PCDHGA6: variants seen among roughly 807,000 people sequenced by gnomAD.
PCDHGA6 encodes protocadherin gamma-A6.
A neutral mutation model predicts 60.6 loss-of-function variants in PCDHGA6; 41 were observed. The observed-to-expected ratio is 0.68, with a 90% CI of 0.53 to 0.88. PCDHGA6 has a LOEUF of 0.88. PCDHGA6 is among the 40% of genes least tolerant of loss of function. The pLI, the probability that PCDHGA6 is intolerant of heterozygous loss-of-function variation, is 0.00. For missense variants in PCDHGA6, 1,312 were observed against 1,203.0 expected, an observed-to-expected ratio of 1.09 and a Z score of -1.34; for synonymous variants, 594 against 524.4, an observed-to-expected ratio of 1.13 and a Z score of -1.81.
At chr5:141,488,239 G>A (rs576918071) in intron 1 of PCDHGA6, among the ~76,000 whole-genome samples, 3 of 152,222 alleles carry the variant, frequency 2.0e-5, no homozygotes, top group South Asian at 4.1e-4. Context: ...AACTAGATGC[G>A]GTAAATTGGA....
intron 1 of PCDHGA6, chr5:141,427,894 C>T (rs974220302): frequency 1.3e-6 from 2 of 1,568,222 alleles, no homozygotes; most frequent in East Asian, 2.2e-5. Flanking sequence ...GACCAGGGCT[C>T]GCCCGCGCTC....
chr5:141,477,253 G>A lies in PCDHGA6; in HGVS notation c.2425-17554G>A, dbSNP rs1303718568. The A allele has an allele frequency of 1.9e-6, 3 of 1,614,154 alleles. No individual in the cohort carries two copies. The highest frequency in any genetic ancestry group is 2.2e-5 in the South Asian group (2 of 91,070). Reference sequence around the variant, plus strand: ...TCGCTTTGCTCAGTGTGACTGACCTGGATGCTGGCGAGAACGGGCTGGTGA... The same window carrying A: ...TCGCTTTGCTCAGTGTGACTGACCTAGATGCTGGCGAGAACGGGCTGGTGA... On this transcript the variant is annotated intron_variant, in intron 1 of 3. Transcript: ENST00000517434. This position sits in a 1 kb window ranked among gnomAD's most constrained non-coding sequence, Gnocchi z 4.9.
In PCDHGA6 at chr5:141,431,159, C is replaced by A. The variant is rs1017606383; in HGVS notation, c.2424+54652C>A. On this transcript the variant is annotated intron_variant, in intron 1 of 3. Coordinates refer to ENST00000517434, the MANE Select transcript of PCDHGA6 (RefSeq NM_018919.3). The surrounding 1 kb of genome is among the most constrained non-coding windows in gnomAD (Gnocchi z 4.8). The stretch of plus-strand genomic sequence containing the variant: ...CATTAACGACAATGCGCCTTACTTT[C>A]GTGAAAGTGAATTAGAAATAAAAAT... The A allele has an allele frequency of 6.2e-7, 1 of 1,614,158 alleles. No homozygotes were observed. The highest frequency in any genetic ancestry group is 1.3e-5 in the African/African-American group (1 of 75,046).
At chr5:141,425,429 A>G in intron 1 of PCDHGA6, among the ~76,000 whole-genome samples, 1 of 152,254 alleles carries the variant, frequency 6.6e-6, no homozygotes, top group East Asian at 1.9e-4. Flanking sequence ...CCCATTAAAT[A>G]GAGGATAAAA....
Position 141,419,652 on chromosome 5 carries a change from C to T in PCDHGA6, c.2424+43145C>T, listed in dbSNP as rs563445438. 15 of 1,612,592 alleles carry T rather than the reference C, an allele frequency of 9.3e-6. 1 individual carries two copies. In the Admixed American group the frequency reaches 1.3e-4, roughly 14 times the overall value. On this transcript the variant is annotated intron_variant, in intron 1 of 3. Transcript: ENST00000517434. ...AAGGTGGTGGCCGTGGACGCGGACT[C>T]GGGGCACAATGCCTGGCTGTCCTAC... is the stretch of plus-strand genomic sequence containing the variant.
At chr5:141,505,352 C>CG in intron 2 of PCDHGA6, 41 bp from the exon 3 acceptor site, 1 of 1,613,302 alleles carries the variant, frequency 6.2e-7, no homozygotes, top group East Asian at 2.2e-5. Context: ...TGAGCTGTGC[C>CG]GGCCTGGGAG....
chr5:141,456,098 C>T (rs1222639126), intron 1 of PCDHGA6, among the ~76,000 whole-genome samples: 2 of 151,980 alleles, frequency 1.3e-5, no homozygotes, highest in Non-Finnish European at 2.9e-5. Flanking sequence ...GGGATTTCAC[C>T]GTGTTAGCCA....
At chr5:141,428,407 T>C in intron 1 of PCDHGA6, 1 of 470,350 alleles carries the variant, frequency 2.1e-6, no homozygotes, top group South Asian at 2.0e-5. Context: ...CTGGGGTTGC[T>C]TTCACCCTGG....
At chr5:141,408,280 C>T in intron 1 of PCDHGA6, 1 of 1,612,648 alleles carries the variant, frequency 6.2e-7, no homozygotes, top group Non-Finnish European at 8.5e-7. Flanking sequence ...CTTTGTTCTA[C>T]CCCACCCTGA....
At chr5:141,391,240 T>C (rs1388357484) in intron 1 of PCDHGA6, 1 of 152,150 alleles carries the variant, frequency 6.6e-6, no homozygotes, top group Non-Finnish European at 1.5e-5. Flanking sequence ...GCTAGGTATA[T>C]CTAAGCAACT....
chr5:141,414,752 ATG>A, intron 1 of PCDHGA6: 2 of 1,614,228 alleles, frequency 1.2e-6, no homozygotes, highest in Non-Finnish European at 1.7e-6. Context: ...TCCTTCGACT[ATG>A]AGCAGTTTCA....
At chr5:141,438,607 T>C (rs924136790) in intron 1 of PCDHGA6, among the ~76,000 whole-genome samples, 2 of 27,412 alleles carry the variant, frequency 7.3e-5, no homozygotes. Flanking sequence ...TATATATATA[T>C]ATATATATAT....
Position 141,477,230 on chromosome 5 carries a change from G to A in PCDHGA6, c.2425-17577G>A, listed in dbSNP as rs768648952. The A allele has an allele frequency of 1.3e-5, 21 of 1,614,164 alleles. No individual in the cohort carries two copies. The highest frequency in any genetic ancestry group is 1.8e-5 in the Non-Finnish European group (21 of 1,180,046). On this transcript the variant is annotated intron_variant, in intron 1 of 3. Coordinates refer to ENST00000517434, the MANE Select transcript of PCDHGA6 (RefSeq NM_018919.3). This position sits in a 1 kb window ranked among gnomAD's most constrained non-coding sequence, Gnocchi z 4.9. ...GGATGCCCCTCTGGGGACTGTCATC[G>A]CTTTGCTCAGTGTGACTGACCTGGA...
At chr5:141,405,187 G>A (rs372851700) in intron 1 of PCDHGA6, 1 of 1,613,360 alleles carries the variant, frequency 6.2e-7, no homozygotes, top group East Asian at 2.2e-5. Flanking sequence ...GTGTAGATGG[G>A]GTTCGAGCTT....
chr5:141,478,017 T>C lies in PCDHGA6; in HGVS notation c.2425-16790T>C, dbSNP rs776415195. ...GGTCAAATCAGTACTGCCCGTCCAG[T>C]CCAAGACACAGATTCACCCAGGCAG... On this transcript the variant is annotated intron_variant, in intron 1 of 3. Transcript: ENST00000517434. 15 of 1,613,910 alleles carry C rather than the reference T, an allele frequency of 9.3e-6. No homozygotes were observed. In the African/African-American group the frequency reaches 1.9e-4, roughly 20 times the overall value.
rs2098098668 is a variant in PCDHGA6, at chr5:141,439,210, T to C, written c.2425-55597T>C. Among the ~76,000 whole-genome samples the C allele has an allele frequency of 4.0e-5, 6 of 150,296 alleles. No homozygotes were observed. The Middle Eastern group carries it at 0.014, about 343-fold the overall frequency. On this transcript the variant is annotated intron_variant, in intron 1 of 3. Transcript: ENST00000517434. The stretch of plus-strand genomic sequence containing the variant: ...TCTGACAAAAAAAAAAAAAAATCCA[T>C]ATGTGAAAATTCTTAGAAGCTTCCT...
chr5:141,411,001 C>G lies in PCDHGA6; in HGVS notation c.2424+34494C>G, dbSNP rs2095456042. 1.8e-5 allele frequency: 3 copies of G among 168,822 alleles called. No individual in the cohort carries two copies. The South Asian group carries it at 4.7e-4, about 26-fold the overall frequency. The allele number at this position is 168,822 out of a possible 1,614,324, so 10.5% of individuals were successfully genotyped here. ...CCCAAGTAGCTGGGATTACTGGTGC[C>G]CCTCACCACAGCTAAATTTTTTGTA... On this transcript the variant is annotated intron_variant, in intron 1 of 3. Coordinates refer to ENST00000517434, the MANE Select transcript of PCDHGA6 (RefSeq NM_018919.3).
At chr5:141,465,831 T>A (rs997004387) in intron 1 of PCDHGA6, among the ~76,000 whole-genome samples, 1 of 151,980 alleles carries the variant, frequency 6.6e-6, no homozygotes, top group African/African-American at 2.4e-5. Context: ...TTGTTTAAAA[T>A]TTCAACTGAG....
intron 1 of PCDHGA6, chr5:141,419,135 G>A (rs2096331504): frequency 3.1e-6 from 5 of 1,613,910 alleles, no homozygotes; most frequent in Non-Finnish European, 4.2e-6. Flanking sequence ...CGCAGCCACA[G>A]ACAGGGGCAA....
Sources: gnomAD v4.1 joint callset for allele counts (sites outside exome capture counted in the v4.1 genomes callset) on GRCh38, gnomAD v4.1.1 for gene constraint, Gnocchi (gnomAD v3.1) non-coding constraint, MANE v1.5 for transcripts, NCBI Gene and HGNC (gene_info 2026-07-23, HGNC 2026-07-21) for gene names.